Variants in ZNF804B observed in about 807,000 individuals in gnomAD.
ZNF804B encodes the protein zinc finger 804B.
In ZNF804B, 80 loss-of-function variants were observed where a neutral mutation model predicts 101.4. That is an observed-to-expected ratio of 0.79 (90% confidence interval 0.66 to 0.95). The LOEUF (loss-of-function observed/expected upper bound fraction) is 0.95, where lower values mean the gene tolerates loss of function less well. ZNF804B is among the 40% of genes least tolerant of loss of function. ZNF804B has a pLI of 0.00. For synonymous variants in ZNF804B, 622 were observed against 558.8 expected (o/e 1.11, Z -1.59); for missense variants, 1,673 against 1,561.9 (o/e 1.07, Z -1.20).
chr7:89,333,654 CA>C lies in ZNF804B; in HGVS notation c.678del (p.Val227CysfsTer3), dbSNP rs760493101. 5.0e-6 allele frequency: 8 copies of C among 1,613,032 alleles called. No individual in the cohort carries two copies. The highest frequency in any genetic ancestry group is 6.8e-6 in the Non-Finnish European group (8 of 1,179,594). ...HRTGVSFTFS[K>X]KVHLKLESSA... ...GAACAGGAGTATCATTTACTTTTTC[CA>C]AAAAAGTGCACCTAAAATTAGAATC... is the stretch of plus-strand genomic sequence containing the variant. On this transcript the variant is annotated frameshift_variant, in exon 4 of 4. Coordinates refer to ENST00000333190, the MANE Select transcript of ZNF804B (RefSeq NM_181646.5). LOFTEE classifies it high-confidence loss of function.
chr7:89,101,716 A>G lies in ZNF804B; in HGVS notation c.109-116439A>G, dbSNP rs1037412716. Among the ~76,000 whole-genome samples, 3 of 151,904 alleles carry G rather than the reference A, an allele frequency of 2.0e-5. No homozygotes were observed. The East Asian group carries it at 5.8e-4, about 29-fold the overall frequency. ...TACAAATTTATTTATGTATTCATTT[A>G]TTTGTTTTAGATTCGGGGATACAAG... On this transcript the variant is annotated intron_variant, in intron 1 of 3. Transcript: ENST00000333190.
chr7:88,800,640 A>C (rs1790563265), intron 1 of ZNF804B, among the ~76,000 whole-genome samples: 1 of 152,018 alleles, frequency 6.6e-6, no homozygotes, highest in South Asian at 2.1e-4. Flanking sequence ...AAACATTTAA[A>C]TTTGGCTGGA....
chr7:88,998,823 T>A (rs1404096071), intron 1 of ZNF804B, among the ~76,000 whole-genome samples: 2 of 152,034 alleles, frequency 1.3e-5, no homozygotes, highest in Non-Finnish European at 2.9e-5. Flanking sequence ...AGAGTCCTAA[T>A]GCACAAAGTG....
intron 2 of ZNF804B, among the ~76,000 whole-genome samples, chr7:89,270,678 T>A (rs972893155): frequency 6.6e-6 from 1 of 152,186 alleles, no homozygotes; most frequent in Non-Finnish European, 1.5e-5. Flanking sequence ...TTTCATGATA[T>A]TGATTCTTCC....
chr7:88,850,000 G>T, intron 1 of ZNF804B, among the ~76,000 whole-genome samples: 1 of 151,916 alleles, frequency 6.6e-6, no homozygotes, highest in East Asian at 1.9e-4. Context: ...TACATGAAAA[G>T]ACTTTTTTCC....
At chr7:89,323,029 G>A (rs1790843246) in intron 2 of ZNF804B, among the ~76,000 whole-genome samples, 1 of 152,192 alleles carries the variant, frequency 6.6e-6, no homozygotes, top group African/African-American at 2.4e-5. Flanking sequence ...GAGGTGATTG[G>A]ACATGAGGGC....
At chr7:88,805,667 T>G (rs117276805) in intron 1 of ZNF804B, among the ~76,000 whole-genome samples, 2,886 of 152,262 alleles carry the variant, frequency 0.019, 46 homozygotes, top group Non-Finnish European at 0.028. Flanking sequence ...AGCACAGTGT[T>G]GATGGTGCCT....
intron 1 of ZNF804B, among the ~76,000 whole-genome samples, chr7:89,120,040 A>G (rs1261737731): frequency 6.6e-6 from 1 of 152,126 alleles, no homozygotes; most frequent in Non-Finnish European, 1.5e-5. Context: ...GAAGAAGCAC[A>G]GAAGAGATCT....
At chr7:89,036,894 ACAGT>A (rs1244776063) in intron 1 of ZNF804B, among the ~76,000 whole-genome samples, 2 of 152,142 alleles carry the variant, frequency 1.3e-5, no homozygotes, top group African/African-American at 4.8e-5. Flanking sequence ...CAGACAATAA[ACAGT>A]CAGAGTTGGC....
chr7:89,177,886 C>A (rs1791346374), intron 1 of ZNF804B, among the ~76,000 whole-genome samples: 1 of 151,334 alleles, frequency 6.6e-6, no homozygotes, highest in Non-Finnish European at 1.5e-5. Context: ...AGTGAGCCGA[C>A]ACAGCGCCAC....
intron 1 of ZNF804B, among the ~76,000 whole-genome samples, chr7:89,141,961 A>C (rs1247464704): frequency 1.3e-5 from 2 of 151,730 alleles, no homozygotes; most frequent in Non-Finnish European, 2.9e-5. Flanking sequence ...TAGTTTTGTA[A>C]ACAATGATAC....
At chr7:89,208,570 T>C (rs1289391698) in intron 1 of ZNF804B, among the ~76,000 whole-genome samples, 1 of 149,782 alleles carries the variant, frequency 6.7e-6, no homozygotes, top group Non-Finnish European at 1.5e-5. Context: ...ATGATTATCT[T>C]TGGATTCACC....
intron 1 of ZNF804B, among the ~76,000 whole-genome samples, chr7:88,948,814 A>G (rs980033535): frequency 6.6e-6 from 1 of 151,876 alleles, no homozygotes; most frequent in Admixed American, 6.6e-5. Context: ...TCTAATGTTG[A>G]TGGAGTCCTA....
chr7:89,100,126 T>C (rs916346048), intron 1 of ZNF804B, among the ~76,000 whole-genome samples: 4 of 152,144 alleles, frequency 2.6e-5, no homozygotes, highest in African/African-American at 4.8e-5. Context: ...TTTAGACTAA[T>C]GGAACAGAAT....
intron 1 of ZNF804B, among the ~76,000 whole-genome samples, chr7:89,064,057 A>G (rs1304697972): frequency 6.6e-6 from 1 of 152,182 alleles, no homozygotes; most frequent in Non-Finnish European, 1.5e-5. Context: ...TTTAGCGTTC[A>G]GAATATTTAT....
intron 1 of ZNF804B, among the ~76,000 whole-genome samples, chr7:89,156,772 T>A (rs886621234): frequency 6.6e-6 from 1 of 152,176 alleles, no homozygotes; most frequent in African/African-American, 2.4e-5. Context: ...TTGAAGTGTC[T>A]GTATGTTTGG....
intron 1 of ZNF804B, among the ~76,000 whole-genome samples, chr7:88,977,208 A>G (rs1793627994): frequency 1.3e-5 from 2 of 149,784 alleles, no homozygotes; most frequent in African/African-American, 4.9e-5. Context: ...TTTTTTGATG[A>G]GTCTCTGTCT....
intron 1 of ZNF804B, among the ~76,000 whole-genome samples, chr7:89,104,635 TC>T (rs1156382215): frequency 6.6e-6 from 1 of 152,080 alleles, no homozygotes; most frequent in Non-Finnish European, 1.5e-5. Flanking sequence ...CTCCTTTTTT[TC>T]CCTCTTATTT....
In ZNF804B at chr7:89,078,373, T is replaced by G. The variant is rs550201642; in HGVS notation, c.109-139782T>G. On this transcript the variant is annotated intron_variant, in intron 1 of 3. Coordinates refer to ENST00000333190, the MANE Select transcript of ZNF804B (RefSeq NM_181646.5). ...AATGCTCAATTAAGAACTTTGAAAATTGTTGGTCATGCTTCTAATTTGATG... is the reference window on the plus strand; with the variant it reads ...AATGCTCAATTAAGAACTTTGAAAAGTGTTGGTCATGCTTCTAATTTGATG... 4.1e-4 allele frequency among the ~76,000 whole-genome samples: 62 copies of G among 152,152 alleles called. 2 individuals are homozygous for G. In the South Asian group the frequency reaches 0.013, roughly 32 times the overall value.
Sources: gnomAD v4.1 joint callset for allele counts (sites outside exome capture counted in the v4.1 genomes callset) on GRCh38, gnomAD v4.1.1 for gene constraint, MANE v1.5 for transcripts, NCBI Gene and HGNC (gene_info 2026-07-23, HGNC 2026-07-21) for gene names.